Variants in DOCK5 observed in about 807,000 individuals in gnomAD.
DOCK5 encodes dedicator of cytokinesis 5, also known as dedicator of cytokinesis protein 5.
In DOCK5, 142 loss-of-function variants were observed where a neutral mutation model predicts 251.8. The observed-to-expected ratio is 0.56, with a 90% confidence interval of 0.49 to 0.65. The LOEUF is 0.65. Among genes scored for constraint, DOCK5 ranks in the 30% least tolerant of loss-of-function variants. DOCK5 has a pLI of 0.00. For synonymous variants in DOCK5, 842 were observed against 835.5 expected (o/e 1.01, Z -0.13); for missense variants, 2,111 against 2,312.3 (o/e 0.91, Z 1.79).
intron 46 of DOCK5, 118 bp downstream of exon 46, chr8:25,400,112 T>A: frequency 2.6e-6 from 2 of 760,118 alleles, no homozygotes; most frequent in Non-Finnish European, 4.3e-6. Flanking sequence ...TTTTTAACCC[T>A]TGTGAAAGCA....
intron 2 of DOCK5, among the ~76,000 whole-genome samples, chr8:25,258,763 T>G (rs749917677): frequency 1.3e-5 from 2 of 152,198 alleles, no homozygotes; most frequent in Non-Finnish European, 2.9e-5. Flanking sequence ...TCATCAGATG[T>G]TTACTCAGTG....
At chr8:25,248,652 T>C (rs1803182244) in intron 2 of DOCK5, among the ~76,000 whole-genome samples, 1 of 152,170 alleles carries the variant, frequency 6.6e-6, no homozygotes, top group African/African-American at 2.4e-5. Flanking sequence ...TATTTTTGAT[T>C]CTCCTTTTTC....
At chr8:25,379,689 T>C (rs550376059) in intron 38 of DOCK5, among the ~76,000 whole-genome samples, 1 of 152,254 alleles carries the variant, frequency 6.6e-6, no homozygotes, top group African/African-American at 2.4e-5. Flanking sequence ...ATTATAAAAG[T>C]ATTATTTGGG....
Position 25,390,182 on chromosome 8 carries a change from T to G in DOCK5, c.4274-24T>G, listed in dbSNP as rs1801232607. 7.0e-6 allele frequency: 11 copies of G among 1,564,010 alleles called. No homozygotes were observed. In the East Asian group the frequency reaches 2.6e-4, roughly 37 times the overall value. ...GACACCTTCACGACCCCAGCCCCTC[T>G]CCTTTCCTTAACGAGCTCTTCAGAC... On this transcript the variant is annotated intron_variant, in intron 41 of 51. Coordinates refer to ENST00000276440, the MANE Select transcript of DOCK5 (RefSeq NM_024940.8).
chr8:25,229,967 A>G (rs1802627859), intron 1 of DOCK5, among the ~76,000 whole-genome samples: 1 of 152,228 alleles, frequency 6.6e-6, no homozygotes, highest in South Asian at 2.1e-4. Flanking sequence ...GATTTTAAGC[A>G]AGCTACTTTA....
chr8:25,334,671 C>A, intron 21 of DOCK5, among the ~76,000 whole-genome samples: 1 of 151,360 alleles, frequency 6.6e-6, no homozygotes. Flanking sequence ...GTGATCATGC[C>A]ATTGCACTCC....
At chr8:25,185,120 A>G (rs995973525) in intron 1 of DOCK5, among the ~76,000 whole-genome samples, 169 bp downstream of exon 1, 1 of 152,058 alleles carries the variant, frequency 6.6e-6, no homozygotes, top group Non-Finnish European at 1.5e-5. Context: ...GGGAGCGCCG[A>G]TGGGGAAGTC....
chr8:25,217,082 T>TACACATATATACGTA (rs1322190983), intron 1 of DOCK5, among the ~76,000 whole-genome samples: 28 of 148,440 alleles, frequency 1.9e-4, no homozygotes, highest in Admixed American at 6.1e-4. Flanking sequence ...TATGTATATA[T>TACACATATATACGTA]AATATGTGTA....
chr8:25,302,270 C>T (rs1339659444), intron 9 of DOCK5, 55 bp from the exon 10 acceptor site: 20 of 1,523,648 alleles, frequency 1.3e-5, no homozygotes, highest in Non-Finnish European at 1.8e-5. Flanking sequence ...AAAAGAGACA[C>T]AGGTGACACA....
intron 38 of DOCK5, among the ~76,000 whole-genome samples, chr8:25,379,793 A>T (rs1445367520): frequency 1.3e-5 from 2 of 151,862 alleles, no homozygotes; most frequent in Non-Finnish European, 2.9e-5. Context: ...TTCCTGCAAC[A>T]CCACACAACA....
intron 1 of DOCK5, among the ~76,000 whole-genome samples, chr8:25,208,254 A>G (rs1252621678): frequency 6.6e-6 from 1 of 152,252 alleles, no homozygotes; most frequent in South Asian, 2.1e-4. Flanking sequence ...CATTGTTGAC[A>G]ACCAAGGATT....
intron 3 of DOCK5, among the ~76,000 whole-genome samples, chr8:25,275,025 C>T (rs1804007309): frequency 6.6e-6 from 1 of 152,152 alleles, no homozygotes; most frequent in African/African-American, 2.4e-5. Flanking sequence ...TTCCATGTCA[C>T]CCCTTATGTG....
chr8:25,258,043 A>G (rs1277455020), intron 2 of DOCK5, among the ~76,000 whole-genome samples: 2 of 152,158 alleles, frequency 1.3e-5, no homozygotes, highest in East Asian at 1.9e-4. Context: ...TATAAAGCGA[A>G]TTGGCCAAAA....
chr8:25,298,992 A>G lies in DOCK5; in HGVS notation c.655A>G (p.Ile219Val). 1 of 1,613,852 alleles carries G rather than the reference A, an allele frequency of 6.2e-7. No homozygotes were observed. The highest frequency in any genetic ancestry group is 8.5e-7 in the Non-Finnish European group (1 of 1,179,852). The stretch of plus-strand genomic sequence containing the variant: ...GCGGGGCCAGTCCATCTTCAGTACC[A>G]TCCACACCTATGGCCTCTATGTGAA... ...DLRGQSIFST[I>V]HTYGLYVNFK... The change falls in exon 8 of 52, where the codon ATC becomes GTC. Residue 219 changes from isoleucine (I) to valine (V), a missense_variant. Physicochemically the swap from Ile to Val is conservative, Grantham distance 29 (BLOSUM62 3). Transcript: ENST00000276440.
intron 2 of DOCK5, among the ~76,000 whole-genome samples, chr8:25,247,415 A>G (rs1269769243): frequency 1.3e-5 from 2 of 152,032 alleles, no homozygotes; most frequent in African/African-American, 4.8e-5. Flanking sequence ...TGGGCAACAT[A>G]GTGAGACCTT....
At chr8:25,328,585 T>G (rs1252436006) in intron 18 of DOCK5, among the ~76,000 whole-genome samples, 2 of 152,184 alleles carry the variant, frequency 1.3e-5, no homozygotes, top group Non-Finnish European at 2.9e-5. Flanking sequence ...GTGTTCTCAC[T>G]GAGAGGGTGA....
chr8:25,385,104 C>T (rs1801141047), intron 40 of DOCK5, among the ~76,000 whole-genome samples: 3 of 152,140 alleles, frequency 2.0e-5, no homozygotes, highest in Non-Finnish European at 2.9e-5. Context: ...GCCAGTGCAG[C>T]AGGCACAGAG....
chr8:25,333,177 T>C (rs1434813212), intron 20 of DOCK5, among the ~76,000 whole-genome samples: 1 of 152,140 alleles, frequency 6.6e-6, no homozygotes, highest in Non-Finnish European at 1.5e-5. Context: ...AGATCAGGGA[T>C]AAGTGATATC....
intron 5 of DOCK5, among the ~76,000 whole-genome samples, chr8:25,289,438 C>T (rs1365847344): frequency 1.3e-5 from 2 of 151,746 alleles, no homozygotes; most frequent in Non-Finnish European, 2.9e-5. Flanking sequence ...AGATGTGAGC[C>T]ACCACGCCCA....
Sources: allele counts gnomAD v4.1 joint callset (sites outside exome capture counted in the v4.1 genomes callset), GRCh38; gene constraint gnomAD v4.1.1; transcripts MANE v1.5; gene names NCBI Gene and HGNC (gene_info 2026-07-23, HGNC 2026-07-21).